The following NOX5 variants were observed in gnomAD, a reference collection of about 807,000 sequenced individuals.
The protein encoded by NOX5 is NADPH oxidase, EF-hand calcium binding domain 5.
Under a neutral mutation model 85.7 loss-of-function variants are expected in NOX5, and 76 were observed. That is an observed-to-expected ratio of 0.89 (90% CI 0.74 to 1.07). The LOEUF is 1.07. NOX5 is among the 50% of genes least tolerant of loss of function. The pLI, the probability that NOX5 is intolerant of heterozygous loss-of-function variation, is 0.00. For synonymous variants in NOX5, 405 were observed against 401.4 expected, an observed-to-expected ratio of 1.01 and a Z score of -0.11; for missense variants, 973 against 999.5, an observed-to-expected ratio of 0.97 and a Z score of 0.36.
intron 7 of NOX5, among the ~76,000 whole-genome samples, chr15:69,036,148 C>A (rs972469613): frequency 6.6e-6 from 1 of 151,870 alleles, no homozygotes; most frequent in Non-Finnish European, 1.5e-5. Context: ...AAGAGTCTGC[C>A]TTTTTGCTGG....
In NOX5 at chr15:69,055,363, A is replaced by G. The variant is rs2050798612; in HGVS notation, c.2029A>G (p.Thr677Ala). ...CTTCCTGGAGCTGCATATGTACATG[A>G]CATCTGCACTGGGCAAGAATGACAT... ...GRFLELHMYM[T>A]SALGKNDMKA... Residue 677 changes from threonine (T) to alanine (A), a missense_variant, in exon 15 of 16, where the codon ACA becomes GCA. By Grantham distance (58) the Thr-to-Ala change is moderately conservative (BLOSUM62 0). Transcript: ENST00000388866. 2 of 1,614,042 alleles carry G rather than the reference A, an allele frequency of 1.2e-6. No homozygotes were observed. The highest frequency in any genetic ancestry group is 2.2e-5 in the East Asian group (1 of 44,878).
In NOX5 at chr15:69,026,742, C is replaced by A. The variant is rs1488845481; in HGVS notation, c.174+91C>A. On this transcript the variant is annotated intron_variant, in intron 2 of 15. Transcript: ENST00000388866. ...CCCTTACAGGGAGGGAAAGGGAACTCCCTGGGGTTCCTGAGGTCTCCACCT... is the reference window on the plus strand; with the variant it reads ...CCCTTACAGGGAGGGAAAGGGAACTACCTGGGGTTCCTGAGGTCTCCACCT... 2.5e-6 allele frequency: 4 copies of A among 1,568,870 alleles called. No individual in the cohort carries two copies. In the African/African-American group the frequency reaches 4.1e-5, roughly 16 times the overall value.
intron 3 of NOX5, chr15:69,029,452 ATGAACATTGGTGCACAGATATCTGT>A: frequency 6.6e-6 from 1 of 152,338 alleles, no homozygotes; most frequent in Admixed American, 6.5e-5. Context: ...TAATGCTGCT[ATGAACATTGGTGCACAGATATCTGT>A]TTGAGTTCCT....
chr15:69,058,644 C>G lies in NOX5; in HGVS notation c.*1948C>G, dbSNP rs2050842418. 2 of 152,168 alleles carry G rather than the reference C, an allele frequency of 1.3e-5. No homozygotes were observed. Among genetic ancestry groups the G allele is most frequent in the African/African-American group, 4.8e-5 (2 of 41,422 alleles). 9.4% of individuals were successfully genotyped at this position (152,168 alleles called of 1,614,324 possible). On this transcript the variant is annotated 3_prime_UTR_variant, in exon 16 of 16. Coordinates refer to ENST00000388866, the MANE Select transcript of NOX5 (RefSeq NM_024505.4). ...CTGGGAGTCAGCAAGGCCAGGAGAC[C>G]TGGTGTTGGGGCCTTCCAACCAGAT...
chr15:69,028,403 A>G, intron 3 of NOX5, 38 bp downstream of exon 3: 1 of 1,532,144 alleles, frequency 6.5e-7, no homozygotes, highest in Non-Finnish European at 8.8e-7. Flanking sequence ...GGGTGGGGAG[A>G]TCAGTGGGCC....
Position 69,037,024 on chromosome 15 carries a change from A to G in NOX5, c.1189-4A>G, listed in dbSNP as rs374953563. Reference sequence around the variant, plus strand: ...GAAGTTGACTGCCCCCCCTACCCCCATAGGTGTTCTATTGGACTCACCTGT... The same window carrying G: ...GAAGTTGACTGCCCCCCCTACCCCCGTAGGTGTTCTATTGGACTCACCTGT... On this transcript the variant is annotated splice_polypyrimidine_tract_variant and splice_region_variant and intron_variant, in intron 7 of 15. Transcript: ENST00000388866. The G allele has an allele frequency of 5.7e-6, 9 of 1,577,734 alleles. No homozygotes were observed. The highest frequency in any genetic ancestry group is 7.8e-6 in the Non-Finnish European group (9 of 1,159,266).
intron 5 of NOX5, among the ~76,000 whole-genome samples, chr15:69,033,580 A>G (rs1429405838): frequency 6.6e-6 from 1 of 151,998 alleles, no homozygotes; most frequent in Non-Finnish European, 1.5e-5. Context: ...CCTGTGCAGG[A>G]GCACCTTCAA....
rs138896351 is a variant in NOX5, at chr15:69,024,384, G to T, written c.51-2144G>T. Among the ~76,000 whole-genome samples, 234 of 152,202 alleles carry T rather than the reference G, an allele frequency of 1.5e-3. 1 individual carries two copies. The highest frequency in any genetic ancestry group is 5.5e-3 in the African/African-American group (227 of 41,496). On this transcript the variant is annotated intron_variant, in intron 1 of 15. Transcript: ENST00000388866. ...AAAATTCTAGAATCAACAGTTCATA[G>T]GTTTTAAATTGCAGCCATTCTGAGT...
intron 3 of NOX5, chr15:69,031,307 C>T: frequency 3.4e-6 from 2 of 582,208 alleles, no homozygotes; most frequent in East Asian, 2.8e-5. Context: ...AGGGAGTTAC[C>T]GATTCTGGAG....
rs1192433683 is a variant in NOX5, at chr15:69,047,423, A to G, written c.1703A>G (p.Asp568Gly). ...HKFCNIKCYIDGPYGTPTRRI... is the reference protein window; with the variant it reads ...HKFCNIKCYIGGPYGTPTRRI... Reference sequence around the variant, plus strand: ...CCCTCTTGTGCACAGTGCTACATCGATGGGCCTTATGGGACCCCCACCCGC... The same window carrying G: ...CCCTCTTGTGCACAGTGCTACATCGGTGGGCCTTATGGGACCCCCACCCGC... The change falls in exon 12 of 16, where the codon GAT becomes GGT. Residue 568 changes from aspartate to glycine, a missense_variant. Physicochemically the swap from Asp to Gly is moderately conservative, Grantham distance 94. Transcript: ENST00000388866. 2 of 1,613,400 alleles carry G rather than the reference A, an allele frequency of 1.2e-6. No individual in the cohort carries two copies. Among genetic ancestry groups the G allele is most frequent in the Non-Finnish European group, 1.7e-6 (2 of 1,179,818 alleles).
intron 1 of NOX5, chr15:69,023,173 C>T (rs2050315897): frequency 6.5e-6 from 2 of 310,060 alleles, no homozygotes; most frequent in Non-Finnish European, 1.2e-5. Flanking sequence ...GCCACGGAGA[C>T]TGTAGAGACC....
chr15:69,044,290 T>A (rs535779260), intron 10 of NOX5, among the ~76,000 whole-genome samples: 88 of 152,330 alleles, frequency 5.8e-4, no homozygotes, highest in African/African-American at 2.0e-3. Context: ...CCAGGTTCTG[T>A]TCTAGATGCT....
At chr15:69,015,842 A>G (rs146060864) in intron 1 of NOX5, among the ~76,000 whole-genome samples, 1 of 146,784 alleles carries the variant, frequency 6.8e-6, no homozygotes, top group East Asian at 2.1e-4. Context: ...GGACATGAGA[A>G]GCAGGCACTC....
At chr15:69,040,782 GTTC>G (rs907229829) in intron 9 of NOX5, among the ~76,000 whole-genome samples, 4 of 151,960 alleles carry the variant, frequency 2.6e-5, no homozygotes, top group African/African-American at 9.7e-5. Context: ...CGCCTCCCGG[GTTC>G]TTCTGCTTTA....
chr15:69,046,976 C>A, intron 11 of NOX5, 110 bp downstream of exon 11: 1 of 1,142,594 alleles, frequency 8.8e-7, no homozygotes, highest in Non-Finnish European at 1.3e-6. Context: ...TCAAGCTCCT[C>A]AAATCCTCAT....
intron 7 of NOX5, 139 bp from the exon 8 acceptor site, chr15:69,036,889 A>G (rs2050523072): frequency 1.4e-6 from 1 of 701,548 alleles, no homozygotes; most frequent in Non-Finnish European, 2.5e-6. Context: ...CAGCCCCAAC[A>G]TCTTACCCAA....
chr15:69,021,614 CCTAA>C (rs1214739435), intron 1 of NOX5, among the ~76,000 whole-genome samples: 2 of 152,174 alleles, frequency 1.3e-5, no homozygotes, highest in African/African-American at 4.8e-5. Context: ...CCGCACCTAG[CCTAA>C]CTGTCATTTT....
intron 14 of NOX5, among the ~76,000 whole-genome samples, chr15:69,050,040 A>G (rs757555936): frequency 2.6e-5 from 4 of 152,128 alleles, no homozygotes; most frequent in African/African-American, 4.8e-5. Flanking sequence ...TATCACTACA[A>G]TTTTGCCTTT....
chr15:69,052,664 A>C (rs1261246795), intron 14 of NOX5, among the ~76,000 whole-genome samples: 2 of 152,238 alleles, frequency 1.3e-5, no homozygotes, highest in East Asian at 3.8e-4. Context: ...TTTCTACAAG[A>C]AACTATCCAA....
Sources: gnomAD v4.1 joint callset for allele counts (sites outside exome capture counted in the v4.1 genomes callset) on GRCh38, gnomAD v4.1.1 for gene constraint, MANE v1.5 for transcripts, NCBI Gene and HGNC (gene_info 2026-07-23, HGNC 2026-07-21) for gene names.